LILRA6: variants seen among roughly 807,000 people sequenced by gnomAD.
LILRA6 encodes the protein leukocyte immunoglobulin-like receptor subfamily A member 6.
A neutral mutation model predicts 53.9 loss-of-function variants in LILRA6; 16 were observed. The observed-to-expected ratio is 0.30, with a 90% CI of 0.20 to 0.45. The LOEUF is 0.45. Among genes scored for constraint, LILRA6 ranks in the 20% least tolerant of loss-of-function variants. The pLI is 1.00. For missense variants in LILRA6, 306 were observed against 618.6 expected (o/e 0.49, Z 5.36); for synonymous variants, 135 against 256.4 (o/e 0.53, Z 4.52).
intron 7 of LILRA6, 22 bp from the exon 8 acceptor site, chr19:54,239,111 G>T: frequency 6.2e-7 from 1 of 1,610,794 alleles, no homozygotes; most frequent in Non-Finnish European, 8.5e-7. Context: ...GGGCAAAGAG[G>T]TCACAGAGGT....
exon 6 of LILRA6, chr19:54,240,499 A>G: frequency 6.2e-7 from 1 of 1,601,376 alleles, no homozygotes; most frequent in Admixed American, 1.7e-5. Flanking sequence ...CATGACTGAC[A>G]CAGCAGGGTC....
At chr19:54,239,289 C>A in intron 7 of LILRA6, 200 bp from the exon 8 acceptor site, 2 of 1,464,230 alleles carry the variant, frequency 1.4e-6, no homozygotes, top group Non-Finnish European at 1.8e-6. Context: ...AAGGGGAGAG[C>A]CCTGAGCCAG....
At chr19:54,239,284 G>A in intron 7 of LILRA6, 195 bp from the exon 8 acceptor site, 1 of 1,480,050 alleles carries the variant, frequency 6.8e-7, no homozygotes, top group Non-Finnish European at 9.0e-7. Context: ...AACAGAAGGG[G>A]AGAGCCCTGA....
rs1290938857 is a variant in LILRA6, at chr19:54,240,636, C to T, written c.956-60G>A. The stretch of plus-strand genomic sequence containing the variant: ...ACCTTGCTCTGAGCTGACACCTCCC[C>T]AGGCCTCTCCCTGGGACCCTCAGTG... On this transcript the variant is annotated intron_variant, in intron 5 of 7. Transcript: ENST00000396365. The T allele has an allele frequency of 8.3e-6, 13 of 1,559,592 alleles. No homozygotes were observed. In the East Asian group the frequency reaches 9.0e-5, roughly 11 times the overall value.
At chr19:54,239,332 C>T (rs2078685565) in intron 7 of LILRA6, 16 of 1,281,816 alleles carry the variant, frequency 1.2e-5, no homozygotes, top group Admixed American at 2.4e-5. Flanking sequence ...CTTATTCTTC[C>T]AGGCCTCATG....
Position 54,240,870 on chromosome 19 carries a change from A to AC in LILRA6, c.915dup (p.Trp306ValfsTer18). 6.2e-7 allele frequency: 1 copy of AC among 1,613,880 alleles called. No individual in the cohort carries two copies. Reference sequence around the variant, plus strand: ...TTCAGGGGGTCGCTGGGGGCCGACCACTCGGAGGAGAGGTTGTGTGCACCA... The same window carrying AC: ...TTCAGGGGGTCGCTGGGGGCCGACCACCTCGGAGGAGAGGTTGTGTGCACCA... On this transcript the variant is annotated frameshift_variant, in exon 5 of 8. Transcript: ENST00000396365. LOFTEE classifies it high-confidence loss of function.
At chr19:54,238,783 TA>T in exon 8 of LILRA6, 1 of 1,205,240 alleles carries the variant, frequency 8.3e-7, no homozygotes, top group Non-Finnish European at 1.1e-6. Context: ...AGATTGGAAG[TA>T]AGGTGGAGAC....
At chr19:54,241,666 G>T (rs368887304) in exon 4 of LILRA6, 1 of 1,512,704 alleles carries the variant, frequency 6.6e-7, no homozygotes, top group Non-Finnish European at 9.0e-7. Flanking sequence ...CTCCACCTGT[G>T]GCTGGGGTTC....
intron 4 of LILRA6, 181 bp downstream of exon 4, chr19:54,241,395 G>C: frequency 9.6e-7 from 1 of 1,042,670 alleles, no homozygotes. Flanking sequence ...CCCCGTTCAG[G>C]TGAGCGTGGC....
At chr19:54,237,491 T>G (rs924676856), downstream of LILRA6, 1 of 150,956 alleles carries the variant, frequency 6.6e-6, no homozygotes, top group Non-Finnish European at 1.5e-5. Context: ...TTATTCCGTA[T>G]CAAATTAAAA....
Sources: gnomAD v4.1 joint callset for allele counts on GRCh38, gnomAD v4.1.1 for gene constraint, MANE v1.5 for transcripts, NCBI Gene and HGNC (gene_info 2026-07-23, HGNC 2026-07-21) for gene names.